The following DPYD variants were observed in gnomAD, a reference collection of about 807,000 sequenced individuals.
The protein encoded by DPYD is dihydropyrimidine dehydrogenase [NADP(+)].
A neutral mutation model predicts 116.2 loss-of-function variants in DPYD; 109 were observed. That is an observed-to-expected ratio of 0.94 (90% confidence interval 0.80 to 1.10). The LOEUF (loss-of-function observed/expected upper bound fraction) is 1.10. DPYD is among the 50% of genes least tolerant of loss of function. The probability of loss-of-function intolerance (pLI) is 0.00; values close to 1 mark genes in which losing one functional copy is unlikely to be tolerated. For synonymous variants in DPYD, 440 were observed against 432.0 expected (o/e 1.02, Z -0.23); for missense variants, 1,302 against 1,254.5 (o/e 1.04, Z -0.57).
chr1:97,773,523 G>A (rs1027258533), intron 3 of DPYD, among the ~76,000 whole-genome samples: 8 of 152,036 alleles, frequency 5.3e-5, no homozygotes, highest in African/African-American at 1.9e-4. Context: ...AGACCACTCT[G>A]ACCCACCATG....
intron 14 of DPYD, among the ~76,000 whole-genome samples, chr1:97,424,427 G>A (rs746653890): frequency 7.2e-5 from 11 of 152,030 alleles, no homozygotes; most frequent in Non-Finnish European, 1.5e-4. Flanking sequence ...TAGACACACT[G>A]TTCAGGCAAG....
At chr1:97,345,790 T>C (rs1416799756) in intron 16 of DPYD, among the ~76,000 whole-genome samples, 1 of 151,946 alleles carries the variant, frequency 6.6e-6, no homozygotes, top group Non-Finnish European at 1.5e-5. Flanking sequence ...TGCATAGCAT[T>C]TGAATTCAGC....
chr1:97,730,396 A>AT (rs1030588402), intron 4 of DPYD, among the ~76,000 whole-genome samples: 14 of 151,846 alleles, frequency 9.2e-5, no homozygotes, highest in African/African-American at 2.7e-4. Flanking sequence ...TAATTTTTGC[A>AT]TTTTTTTAGT....
At chr1:97,428,388 C>T (rs1674992869) in intron 14 of DPYD, among the ~76,000 whole-genome samples, 1 of 152,074 alleles carries the variant, frequency 6.6e-6, no homozygotes, top group African/African-American at 2.4e-5. Context: ...AAAGGCAGTT[C>T]TTCAAATTCT....
At chr1:97,714,504 T>C (rs1025760737) in intron 5 of DPYD, among the ~76,000 whole-genome samples, 6 of 151,996 alleles carry the variant, frequency 3.9e-5, no homozygotes, top group African/African-American at 1.4e-4. Context: ...CCACCACGCC[T>C]GGCCCATATA....
intron 3 of DPYD, among the ~76,000 whole-genome samples, chr1:97,795,440 T>C (rs1667519038): frequency 6.6e-6 from 1 of 152,014 alleles, no homozygotes. Context: ...TAACTGATAC[T>C]AACTGTTAGC....
intron 18 of DPYD, among the ~76,000 whole-genome samples, chr1:97,291,014 A>C (rs1666114404): frequency 6.6e-6 from 1 of 152,184 alleles, no homozygotes; most frequent in African/African-American, 2.4e-5. Flanking sequence ...ACCCCATCAA[A>C]AAGTGGGCGA....
chr1:97,248,487 A>G (rs1662871019), intron 18 of DPYD, among the ~76,000 whole-genome samples: 1 of 152,186 alleles, frequency 6.6e-6, no homozygotes, highest in African/African-American at 2.4e-5. Context: ...TTTCTTTGGA[A>G]ATTGCCCAGT....
At chr1:97,397,222 T>C (rs1295950167) in intron 14 of DPYD, among the ~76,000 whole-genome samples, 1 of 152,040 alleles carries the variant, frequency 6.6e-6, no homozygotes, top group Admixed American at 6.6e-5. Context: ...GACTAATATA[T>C]ACGCATGTAT....
chr1:97,434,524 A>G (rs1675360349), intron 14 of DPYD, among the ~76,000 whole-genome samples: 1 of 151,912 alleles, frequency 6.6e-6, no homozygotes, highest in Non-Finnish European at 1.5e-5. Flanking sequence ...CCTATTTACA[A>G]TCCAGTCTTG....
intron 13 of DPYD, among the ~76,000 whole-genome samples, chr1:97,488,791 T>A (rs2101898709): frequency 6.6e-6 from 1 of 152,214 alleles, no homozygotes; most frequent in Non-Finnish European, 1.5e-5. Flanking sequence ...AACCCAACAA[T>A]CCAGGAGTTA....
chr1:97,574,194 G>A (rs1432539398), intron 10 of DPYD, among the ~76,000 whole-genome samples: 2 of 152,050 alleles, frequency 1.3e-5, no homozygotes, highest in African/African-American at 2.4e-5. Context: ...ATAGATCACG[G>A]CATCATAAGG....
At chr1:97,659,691 T>C (rs1045317478) in intron 8 of DPYD, among the ~76,000 whole-genome samples, 5 of 152,168 alleles carry the variant, frequency 3.3e-5, no homozygotes, top group African/African-American at 1.2e-4. Flanking sequence ...TTTATTCATG[T>C]AATGCTGTGA....
chr1:97,493,903 A>G (rs1303852849), intron 13 of DPYD, among the ~76,000 whole-genome samples: 1 of 152,166 alleles, frequency 6.6e-6, no homozygotes. Context: ...CTAACAAGAT[A>G]GAAGAGGGCA....
At chr1:97,306,103 C>T in intron 17 of DPYD, 74 bp downstream of exon 17, 3 of 1,605,644 alleles carry the variant, frequency 1.9e-6, no homozygotes, top group Non-Finnish European at 2.6e-6. Context: ...TAGGAAAAGA[C>T]ATACTTGAGT....
At chr1:97,274,807 T>C (rs907506671) in intron 18 of DPYD, among the ~76,000 whole-genome samples, 5 of 152,188 alleles carry the variant, frequency 3.3e-5, no homozygotes, top group African/African-American at 9.6e-5. Context: ...GTAACCATTG[T>C]ATCCTAGTGT....
intron 11 of DPYD, among the ~76,000 whole-genome samples, chr1:97,553,960 C>T (rs1651505221): frequency 6.6e-6 from 1 of 150,760 alleles, no homozygotes; most frequent in Non-Finnish European, 1.5e-5. Flanking sequence ...TGTTAATTTT[C>T]TGCTTTAATT....
At chr1:97,726,198 T>G (rs1009124962) in intron 4 of DPYD, among the ~76,000 whole-genome samples, 1 of 151,570 alleles carries the variant, frequency 6.6e-6, no homozygotes, top group East Asian at 1.9e-4. Context: ...AACATGTACA[T>G]TCATAGGTTG....
chr1:97,461,981 CCTGT>C (rs1329020993), intron 13 of DPYD, among the ~76,000 whole-genome samples: 3 of 152,204 alleles, frequency 2.0e-5, no homozygotes, highest in African/African-American at 7.2e-5. Flanking sequence ...TGAAAAACTT[CCTGT>C]CTGTGTCCTC....
Sources: gnomAD v4.1 joint callset for allele counts (sites outside exome capture counted in the v4.1 genomes callset) on GRCh38, gnomAD v4.1.1 for gene constraint, MANE v1.5 for transcripts, NCBI Gene and HGNC (gene_info 2026-07-23, HGNC 2026-07-21) for gene names.